Variants in DACH2 observed in about 807,000 individuals in gnomAD.
DACH2 encodes the protein dachshund family transcription factor 2.
A neutral mutation model predicts 35.8 loss-of-function variants in DACH2; 17 were observed. That is an observed-to-expected ratio of 0.48 (90% CI 0.33 to 0.71). DACH2 has a LOEUF of 0.71. DACH2 is among the 30% of genes least tolerant of loss of function. DACH2 has a pLI of 0.02. For synonymous variants in DACH2, 195 were observed against 177.3 expected, an observed-to-expected ratio of 1.10 and a Z score of -0.79; for missense variants, 469 against 472.7, an observed-to-expected ratio of 0.99 and a Z score of 0.07.
chrX:86,656,845 A>G (rs6617256), intron 4 of DACH2, among the ~76,000 whole-genome samples: 7,242 of 78,108 alleles, frequency 0.093, 428 homozygotes, highest in South Asian at 0.37. Flanking sequence ...ATTAAAATAC[A>G]TGTGTGTGTG....
intron 2 of DACH2, among the ~76,000 whole-genome samples, chrX:86,414,060 C>T (rs941650107): frequency 9.0e-6 from 1 of 111,191 alleles, no homozygotes; most frequent in African/African-American, 3.3e-5. Context: ...AGGTTCACTG[C>T]AAAAATTGTC....
rs190171289 is a variant in DACH2 at position 86,316,926 on chromosome X, T to C, written c.489-59898T>C. Among the ~76,000 whole-genome samples the C allele has an allele frequency of 3.7e-3, 410 of 109,803 alleles. 1 individual carries two copies. Among genetic ancestry groups the C allele is most frequent in the African/African-American group, 0.013 (387 of 30,098 alleles). On this transcript the variant is annotated intron_variant, in intron 1 of 11. Transcript: ENST00000373125. The stretch of plus-strand genomic sequence containing the variant: ...CGAGGTCAGAAGTTCAATACCACCC[T>C]GGCCAAGATGGTGAAACCCCATCTC...
intron 3 of DACH2, among the ~76,000 whole-genome samples, chrX:86,624,058 AAC>A (rs1569454768): frequency 6.1e-5 from 4 of 65,839 alleles, no homozygotes; most frequent in African/African-American, 2.8e-4. Flanking sequence ...AAAAAAACAA[AAC>A]AAAAAAAAAA....
At chrX:86,572,412 T>C (rs1020655793) in intron 3 of DACH2, among the ~76,000 whole-genome samples, 4 of 111,930 alleles carry the variant, frequency 3.6e-5, no homozygotes, top group East Asian at 2.8e-4. Flanking sequence ...GCTCACTAGA[T>C]TCAGCTATTC....
At chrX:86,550,732 C>T (rs184500032) in intron 3 of DACH2, among the ~76,000 whole-genome samples, 1 of 111,411 alleles carries the variant, frequency 9.0e-6, no homozygotes, top group East Asian at 2.8e-4. Context: ...TGCGAAGTTC[C>T]ATGGTTTATA....
At chrX:86,508,551 C>T (rs914175148) in intron 2 of DACH2, among the ~76,000 whole-genome samples, 1 of 105,022 alleles carries the variant, frequency 9.5e-6, no homozygotes, top group Non-Finnish European at 1.9e-5. Flanking sequence ...CAGAGTGAGA[C>T]TCTGTCTCAA....
chrX:86,675,776 T>C (rs1308112825), intron 4 of DACH2, among the ~76,000 whole-genome samples: 1 of 111,654 alleles, frequency 9.0e-6, no homozygotes, highest in Non-Finnish European at 1.9e-5. Context: ...CTTAAAAGTA[T>C]ACAATTTGTA....
At chrX:86,362,184 A>G (rs1280551310) in intron 1 of DACH2, among the ~76,000 whole-genome samples, 1 of 111,350 alleles carries the variant, frequency 9.0e-6, no homozygotes, top group Non-Finnish European at 1.9e-5. Flanking sequence ...CTAAATATTC[A>G]AACAAAAAGT....
At chrX:86,434,493 A>G (rs1457826634) in intron 2 of DACH2, among the ~76,000 whole-genome samples, 1 of 112,065 alleles carries the variant, frequency 8.9e-6, no homozygotes, top group African/African-American at 3.2e-5. Context: ...TTATCATGGT[A>G]TATTCACTTA....
chrX:86,411,036 A>ATATG (rs1556109205), intron 2 of DACH2, among the ~76,000 whole-genome samples: 3 of 79,963 alleles, frequency 3.8e-5, no homozygotes, highest in Non-Finnish European at 7.4e-5. Context: ...ATATATATAT[A>ATATG]TATGTATATA....
intron 1 of DACH2, among the ~76,000 whole-genome samples, chrX:86,295,319 T>G (rs1258647968): frequency 2.7e-5 from 3 of 111,963 alleles, no homozygotes; most frequent in Non-Finnish European, 5.6e-5. Flanking sequence ...CCCACTGTCT[T>G]GCACTCCCTA....
chrX:86,472,464 C>T (rs1193877495), intron 2 of DACH2, among the ~76,000 whole-genome samples: 2 of 111,229 alleles, frequency 1.8e-5, no homozygotes, highest in East Asian at 5.7e-4. Flanking sequence ...ACTTCTGACC[C>T]CAGAACTATA....
At chrX:86,778,456 A>C (rs1229380123) in intron 7 of DACH2, among the ~76,000 whole-genome samples, 3 of 111,739 alleles carry the variant, frequency 2.7e-5, no homozygotes, top group South Asian at 3.8e-4. Flanking sequence ...AGTCAAACAC[A>C]TGCAATGTTA....
At chrX:86,218,458 A>G (rs1443069652) in intron 1 of DACH2, among the ~76,000 whole-genome samples, 1 of 112,077 alleles carries the variant, frequency 8.9e-6, no homozygotes, top group Non-Finnish European at 1.9e-5. Flanking sequence ...TCTTCTCATT[A>G]CTGACAATCA....
At chrX:86,751,669 C>T (rs1357451761) in intron 7 of DACH2, among the ~76,000 whole-genome samples, 1 of 109,182 alleles carries the variant, frequency 9.2e-6, no homozygotes, top group African/African-American at 3.3e-5. Flanking sequence ...TGGTGAAGCA[C>T]ACAAAAAACA....
In DACH2 at chrX:86,582,711, C is replaced by T. The variant is rs191610003; in HGVS notation, c.640+68320C>T. ...CCAATAACGAGATCTGAAATTGAGT[C>T]AGTAATAAAAAGCCTACCAACCGGA... On this transcript the variant is annotated intron_variant, in intron 3 of 11. Coordinates refer to ENST00000373125, the MANE Select transcript of DACH2 (RefSeq NM_053281.3). 1.9e-4 allele frequency among the ~76,000 whole-genome samples: 21 copies of T among 110,202 alleles called. No individual in the cohort carries two copies. In the Admixed American group the frequency reaches 2.1e-3, roughly 11 times the overall value.
chrX:86,232,145 C>T (rs1038434282), intron 1 of DACH2, among the ~76,000 whole-genome samples: 1 of 111,093 alleles, frequency 9.0e-6, no homozygotes, highest in Non-Finnish European at 1.9e-5. Context: ...AGAGAGCAGG[C>T]CAATTGGGAA....
intron 3 of DACH2, among the ~76,000 whole-genome samples, chrX:86,539,495 G>A (rs968629891): frequency 9.0e-6 from 1 of 111,120 alleles, no homozygotes; most frequent in Non-Finnish European, 1.9e-5. Flanking sequence ...AACATCATAG[G>A]GTATTACCTT....
rs573522102 is a variant in DACH2, at chrX:86,815,331, T to A, written c.1684+497T>A. ...ATGGAGATGCTTGAATTATGAAAGATCTTAATTCCAAACTTTTCTGCTTCC... is the reference window on the plus strand; with the variant it reads ...ATGGAGATGCTTGAATTATGAAAGAACTTAATTCCAAACTTTTCTGCTTCC... On this transcript the variant is annotated intron_variant, in intron 10 of 11. Transcript: ENST00000373125. 9.0e-5 allele frequency among the ~76,000 whole-genome samples: 10 copies of A among 111,228 alleles called. No homozygotes were observed. The East Asian group carries it at 2.3e-3, about 25-fold the overall frequency.
Sources: allele counts gnomAD v4.1 joint callset (sites outside exome capture counted in the v4.1 genomes callset), GRCh38; gene constraint gnomAD v4.1.1; transcripts MANE v1.5; gene names NCBI Gene and HGNC (gene_info 2026-07-23, HGNC 2026-07-21).